The following XKR4 variants were observed in gnomAD, a reference collection of about 807,000 sequenced individuals.
XKR4 encodes XK related 4, also known as XK-related protein 4.
A neutral mutation model predicts 53.9 loss-of-function variants in XKR4; 12 were observed. That is an observed-to-expected ratio of 0.22 (90% CI 0.14 to 0.36). XKR4 has a LOEUF of 0.36. Among genes scored for constraint, XKR4 ranks in the 10% least tolerant of loss-of-function variants. The probability of loss-of-function intolerance (pLI) is 1.00; values close to 1 mark genes in which losing one functional copy is unlikely to be tolerated. For synonymous variants in XKR4, 354 were observed against 362.4 expected (o/e 0.98, Z 0.26); for missense variants, 799 against 859.5 (o/e 0.93, Z 0.88).
intron 2 of XKR4, among the ~76,000 whole-genome samples, chr8:55,461,399 C>A (rs1805655582): frequency 6.6e-6 from 1 of 152,222 alleles, no homozygotes. Context: ...TGCAACAGAC[C>A]TGCAGCTGAG....
chr8:55,469,467 T>C (rs1021163711), intron 2 of XKR4, among the ~76,000 whole-genome samples: 1 of 152,156 alleles, frequency 6.6e-6, no homozygotes, highest in African/African-American at 2.4e-5. Flanking sequence ...TGATTTTGAA[T>C]TTCTATTTTC....
At chr8:55,210,382 C>G (rs918045094) in intron 1 of XKR4, among the ~76,000 whole-genome samples, 3 of 152,126 alleles carry the variant, frequency 2.0e-5, no homozygotes, top group Non-Finnish European at 4.4e-5. Context: ...CCACATCCAG[C>G]CCATCCTCTC....
chr8:55,188,259 GTCTTAC>G (rs1243654310), intron 1 of XKR4, among the ~76,000 whole-genome samples: 1 of 152,004 alleles, frequency 6.6e-6, no homozygotes, highest in African/African-American at 2.4e-5. Flanking sequence ...CATGTTTATT[GTCTTAC>G]TCTTCTAAGT....
intron 2 of XKR4, among the ~76,000 whole-genome samples, chr8:55,473,724 C>T (rs1006544560): frequency 6.6e-6 from 1 of 152,144 alleles, no homozygotes; most frequent in Non-Finnish European, 1.5e-5. Context: ...TGAAACACAT[C>T]TTATATTGGC....
chr8:55,509,023 T>C (rs958648706), intron 2 of XKR4, among the ~76,000 whole-genome samples: 1 of 152,238 alleles, frequency 6.6e-6, no homozygotes, highest in Non-Finnish European at 1.5e-5. Flanking sequence ...TGTCAATGTA[T>C]ACTATTTAAT....
Position 55,462,338 on chromosome 8 carries a change from G to T in XKR4, c.1007-60943G>T, listed in dbSNP as rs550973636. ...CAATATTCAACATTCTTAAAGAAAA[G>T]AATTTTCAACCCAGAATTTCATATC... On this transcript the variant is annotated intron_variant, in intron 2 of 2. Transcript: ENST00000327381. Among the ~76,000 whole-genome samples the T allele has an allele frequency of 1.2e-4, 19 of 152,290 alleles. No homozygotes were observed. In the South Asian group the frequency reaches 3.1e-3, roughly 25 times the overall value.
At chr8:55,113,679 A>G (rs1041080533) in intron 1 of XKR4, among the ~76,000 whole-genome samples, 2 of 152,200 alleles carry the variant, frequency 1.3e-5, no homozygotes, top group African/African-American at 4.8e-5. Context: ...TCACCCAAAG[A>G]GTGAACATTG....
chr8:55,171,554 G>A (rs1817158290), intron 1 of XKR4, among the ~76,000 whole-genome samples: 1 of 152,122 alleles, frequency 6.6e-6, no homozygotes, highest in African/African-American at 2.4e-5. Flanking sequence ...CTGGAGAGTT[G>A]CCTAATGGGA....
chr8:55,102,099 G>A lies in XKR4; in HGVS notation c.-390G>A, dbSNP rs1404322467. On this transcript the variant is annotated 5_prime_UTR_variant, in exon 1 of 3. Transcript: ENST00000327381. This position sits in a 1 kb window ranked among gnomAD's most constrained non-coding sequence, Gnocchi z 5.1. ...GGGAGCGCGCGCGAGGGGAGGAGAG[G>A]AATGTGCAGGTCCGAGGAGCGCCGC... Among the ~76,000 whole-genome samples, 1 of 151,468 alleles carries A rather than the reference G, an allele frequency of 6.6e-6. No homozygotes were observed. The highest frequency in any genetic ancestry group is 2.0e-4 in the East Asian group (1 of 5,084).
chr8:55,511,292 G>A (rs1458237530), intron 2 of XKR4, among the ~76,000 whole-genome samples: 1 of 152,112 alleles, frequency 6.6e-6, no homozygotes, highest in African/African-American at 2.4e-5. Flanking sequence ...TAAAAGGTGA[G>A]GTATTTTTAA....
chr8:55,458,387 T>A (rs185444583), intron 2 of XKR4, among the ~76,000 whole-genome samples: 15 of 152,194 alleles, frequency 9.9e-5, no homozygotes, highest in African/African-American at 3.4e-4. Context: ...CTCCATATGG[T>A]CCCGTGGCAG....
intron 2 of XKR4, among the ~76,000 whole-genome samples, chr8:55,448,258 C>A (rs559668480): frequency 6.6e-6 from 1 of 152,164 alleles, no homozygotes; most frequent in Non-Finnish European, 1.5e-5. Flanking sequence ...AAGAGTGACT[C>A]AATAAAGCGC....
chr8:55,125,731 G>A (rs570563737), intron 1 of XKR4, among the ~76,000 whole-genome samples: 8 of 151,512 alleles, frequency 5.3e-5, no homozygotes, highest in East Asian at 1.9e-4. Flanking sequence ...CCAACAACTC[G>A]TTTTAAAAAA....
chr8:55,245,861 G>A (rs1220760450), intron 1 of XKR4, among the ~76,000 whole-genome samples: 2 of 152,322 alleles, frequency 1.3e-5, no homozygotes, highest in East Asian at 3.9e-4. Context: ...TTAGGAGGCT[G>A]AGGTGGGTGG....
At chr8:55,365,970 TG>T (rs1302861257) in intron 2 of XKR4, among the ~76,000 whole-genome samples, 1 of 150,736 alleles carries the variant, frequency 6.6e-6, no homozygotes, top group Non-Finnish European at 1.5e-5. Context: ...AGCGAGGGAG[TG>T]GGGCGCACCT....
intron 2 of XKR4, among the ~76,000 whole-genome samples, chr8:55,455,410 C>A (rs1805554881): frequency 6.6e-6 from 1 of 152,144 alleles, no homozygotes; most frequent in African/African-American, 2.4e-5. Flanking sequence ...ATCCTTCCTC[C>A]CCCTCAGTCA....
At chr8:55,444,975 G>C (rs1209148471) in intron 2 of XKR4, among the ~76,000 whole-genome samples, 11 of 152,140 alleles carry the variant, frequency 7.2e-5, no homozygotes, top group Admixed American at 7.2e-4. Context: ...TTGTGATATA[G>C]TCATATCATG....
intron 1 of XKR4, among the ~76,000 whole-genome samples, chr8:55,222,483 GC>G (rs904395634): frequency 6.6e-6 from 1 of 152,208 alleles, no homozygotes; most frequent in African/African-American, 2.4e-5. Context: ...TAGTGAGGAA[GC>G]TTTTGTCCAC....
At chr8:55,443,346 C>T (rs1805297492) in intron 2 of XKR4, among the ~76,000 whole-genome samples, 1 of 150,832 alleles carries the variant, frequency 6.6e-6, no homozygotes, top group Non-Finnish European at 1.5e-5. Context: ...GGAGGCACAT[C>T]TCAATAGATG....
Sources: allele counts gnomAD v4.1 joint callset (sites outside exome capture counted in the v4.1 genomes callset), GRCh38; gene constraint gnomAD v4.1.1; non-coding constraint Gnocchi (gnomAD v3.1); transcripts MANE v1.5; gene names NCBI Gene and HGNC (gene_info 2026-07-23, HGNC 2026-07-21).